PPP1R13B: variants seen among roughly 807,000 people sequenced by gnomAD.
The protein encoded by PPP1R13B is protein phosphatase 1 regulatory subunit 13B, also known as apoptosis-stimulating of p53 protein 1.
A neutral mutation model predicts 119.8 loss-of-function variants in PPP1R13B; 44 were observed. The ratio of observed to expected loss-of-function variants is 0.37; its 90% confidence interval spans 0.29 to 0.47. The LOEUF (loss-of-function observed/expected upper bound fraction) is 0.47, where lower values mean the gene tolerates loss of function less well. Ranked by LOEUF, PPP1R13B falls within the 20% of genes least tolerant of loss-of-function variation. The pLI is 0.99. For synonymous variants in PPP1R13B, 542 were observed against 561.5 expected (o/e 0.97, Z 0.49); for missense variants, 1,227 against 1,413.5 (o/e 0.87, Z 2.12).
At chr14:103,754,301 A>G in intron 5 of PPP1R13B, 57 bp from the exon 6 acceptor site, 1 of 1,529,574 alleles carries the variant, frequency 6.5e-7, no homozygotes, top group Non-Finnish European at 8.8e-7. Flanking sequence ...GCGGTGGCTC[A>G]CATCTGTAAT....
chr14:103,777,411 A>C (rs2085232269), intron 4 of PPP1R13B, among the ~76,000 whole-genome samples: 1 of 152,154 alleles, frequency 6.6e-6, no homozygotes. Context: ...CCCACCATCC[A>C]TTGTGTCTGT....
intron 1 of PPP1R13B, among the ~76,000 whole-genome samples, chr14:103,839,580 T>C (rs909799361): frequency 2.0e-5 from 3 of 149,186 alleles, no homozygotes. Flanking sequence ...TGACCCAAGA[T>C]CATGCCACTG....
intron 2 of PPP1R13B, among the ~76,000 whole-genome samples, chr14:103,788,103 C>A (rs2085515095): frequency 6.6e-6 from 1 of 151,206 alleles, no homozygotes; most frequent in Non-Finnish European, 1.5e-5. Context: ...CAGAGCAAGA[C>A]CCTGTCTCAA....
intron 9 of PPP1R13B, among the ~76,000 whole-genome samples, chr14:103,743,353 T>C (rs1401928198): frequency 6.6e-6 from 1 of 152,256 alleles, no homozygotes; most frequent in African/African-American, 2.4e-5. Flanking sequence ...AGGTTCCCAC[T>C]GATTTGCGTA....
At chr14:103,802,409 C>T (rs1247276104) in intron 1 of PPP1R13B, among the ~76,000 whole-genome samples, 1 of 151,936 alleles carries the variant, frequency 6.6e-6, no homozygotes, top group African/African-American at 2.4e-5. Flanking sequence ...TTTTTACTAC[C>T]TTCCCTTATA....
Position 103,742,151 on chromosome 14 carries a change from C to T in PPP1R13B, c.1461G>A (p.Leu487=), listed in dbSNP as rs531629171. The T allele has an allele frequency of 1.2e-6, 2 of 1,611,054 alleles. No homozygotes were observed. The highest frequency in any genetic ancestry group is 1.1e-5 in the South Asian group (1 of 91,058). ...TTGGCAGGCCTGCACTGGGCCTGGG[C>T]AAGCTGCCTTCCTTCCTCCTTTCCA... ...SSLERRKEGS[L]PRPSAGLPSR... is the part of the protein sequence containing the mutation. The change falls in exon 11 of 17, where the codon TTG becomes TTA. Residue 487 remains leucine (L), a synonymous_variant. Coordinates refer to ENST00000202556, the MANE Select transcript of PPP1R13B (RefSeq NM_015316.3). This position sits in a 1 kb window ranked among gnomAD's most constrained non-coding sequence, Gnocchi z 4.9.
At chr14:103,765,759 T>G (rs2084923004) in intron 4 of PPP1R13B, among the ~76,000 whole-genome samples, 1 of 152,184 alleles carries the variant, frequency 6.6e-6, no homozygotes, top group South Asian at 2.1e-4. Flanking sequence ...AAGTTCTTCC[T>G]GATTCTTTAA....
intron 1 of PPP1R13B, among the ~76,000 whole-genome samples, chr14:103,834,123 C>T (rs1026694190): frequency 3.3e-5 from 5 of 152,176 alleles, no homozygotes; most frequent in Non-Finnish European, 7.3e-5. Context: ...ACCTGTAATC[C>T]CAGCACTTTG....
At chr14:103,821,454 T>C (rs1178170388) in intron 1 of PPP1R13B, among the ~76,000 whole-genome samples, 5 of 152,128 alleles carry the variant, frequency 3.3e-5, no homozygotes, top group Non-Finnish European at 1.5e-5. Context: ...AAGTGTGAAT[T>C]ATAAATACAG....
At chr14:103,823,096 T>C (rs1001791146) in intron 1 of PPP1R13B, among the ~76,000 whole-genome samples, 1 of 151,570 alleles carries the variant, frequency 6.6e-6, no homozygotes, top group South Asian at 2.1e-4. Flanking sequence ...CCCAGCACTT[T>C]GGGAGGCTGA....
intron 1 of PPP1R13B, among the ~76,000 whole-genome samples, chr14:103,817,208 T>C (rs1277023101): frequency 1.3e-5 from 2 of 152,178 alleles, no homozygotes; most frequent in African/African-American, 4.8e-5. Flanking sequence ...ACATGAGCCA[T>C]GATAAGATGT....
chr14:103,739,169 C>A (rs2084186242), intron 12 of PPP1R13B, 146 bp from the exon 13 acceptor site: 2 of 1,104,380 alleles, frequency 1.8e-6, no homozygotes, highest in Non-Finnish European at 2.6e-6. Flanking sequence ...TAGCAGCGCC[C>A]AGGTGACCAC....
Position 103,742,622 on chromosome 14 carries a change from G to A in PPP1R13B, c.1320+32C>T, listed in dbSNP as rs775648231. On this transcript the variant is annotated intron_variant, in intron 10 of 16. Transcript: ENST00000202556. This position sits in a 1 kb window ranked among gnomAD's most constrained non-coding sequence, Gnocchi z 4.9. ...AGAAGAGAGCCCTGTTGAAGAGCCC[G>A]CTTGTGTTCTGTGGTAAAGACACAG... 1.1e-5 allele frequency: 17 copies of A among 1,605,220 alleles called. 1 individual carries two copies. The highest frequency in any genetic ancestry group is 8.9e-5 in the South Asian group (8 of 90,088).
intron 1 of PPP1R13B, among the ~76,000 whole-genome samples, chr14:103,833,780 A>T (rs1310152209): frequency 1.3e-5 from 2 of 152,170 alleles, no homozygotes; most frequent in African/African-American, 2.4e-5. Flanking sequence ...GAGGTTGAGA[A>T]GACCTCTCTG....
intron 3 of PPP1R13B, among the ~76,000 whole-genome samples, chr14:103,780,622 G>A (rs1460832633): frequency 6.6e-6 from 1 of 151,224 alleles, no homozygotes; most frequent in Non-Finnish European, 1.5e-5. Context: ...AGACCATCCT[G>A]GCCAACATGG....
chr14:103,778,553 C>T, intron 4 of PPP1R13B, 192 bp downstream of exon 4: 1 of 559,680 alleles, frequency 1.8e-6, no homozygotes, highest in Non-Finnish European at 3.2e-6. Flanking sequence ...AGCCACACAC[C>T]TGGCCTCATC....
chr14:103,843,193 G>A (rs2086949000), intron 1 of PPP1R13B, among the ~76,000 whole-genome samples: 1 of 151,838 alleles, frequency 6.6e-6, no homozygotes, highest in Non-Finnish European at 1.5e-5. Context: ...CCAACATGGT[G>A]AAACCCTGTC....
At position 103,797,526 on chromosome 14, in the gene PPP1R13B, A is replaced by C. The variant is rs1465854846; in HGVS notation, c.10-8T>G. 20 of 1,607,320 alleles carry C rather than the reference A, an allele frequency of 1.2e-5. No individual in the cohort carries two copies. Among genetic ancestry groups the C allele is most frequent in the Non-Finnish European group, 1.7e-5 (20 of 1,175,506 alleles). On this transcript the variant is annotated splice_region_variant and splice_polypyrimidine_tract_variant and intron_variant, in intron 1 of 16. Transcript: ENST00000202556. The stretch of plus-strand genomic sequence containing the variant: ...GAAAACAGTTAATATCATCTGTAAG[A>C]CAAAAGAGTAAAGCTGTAATTTAGA...
chr14:103,734,093 C>T lies in PPP1R13B; in HGVS notation c.*1061G>A, dbSNP rs1423750438. ...AAAAAGCCTGTACGTACAATTCACA[C>T]CTCAGTGAAGCGCCCTCCTTGCCTT... On this transcript the variant is annotated 3_prime_UTR_variant, in exon 17 of 17. Coordinates refer to ENST00000202556, the MANE Select transcript of PPP1R13B (RefSeq NM_015316.3). 4.9e-6 allele frequency: 1 copy of T among 203,528 alleles called. No individual in the cohort carries two copies. Among genetic ancestry groups the T allele is most frequent in the African/African-American group, 2.3e-5 (1 of 44,418 alleles). The allele number at this position is 203,528 out of a possible 1,614,324, so 12.6% of individuals were successfully genotyped here. A position where few individuals can be genotyped will look rare whatever the true frequency, so the allele number is the denominator to read the frequency against.
Sources: gnomAD v4.1 joint callset for allele counts (sites outside exome capture counted in the v4.1 genomes callset) on GRCh38, gnomAD v4.1.1 for gene constraint, Gnocchi (gnomAD v3.1) non-coding constraint, MANE v1.5 for transcripts, NCBI Gene and HGNC (gene_info 2026-07-23, HGNC 2026-07-21) for gene names.